The following STRBP variants were observed in gnomAD, a reference collection of about 807,000 sequenced individuals.
The protein encoded by STRBP is spermatid perinuclear RNA binding protein, also known as spermatid perinuclear RNA-binding protein.
In STRBP, 13 loss-of-function variants were observed where a neutral mutation model predicts 80.1. The observed-to-expected ratio is 0.16, with a 90% CI of 0.11 to 0.26. The LOEUF (loss-of-function observed/expected upper bound fraction) is 0.26, where lower values mean the gene tolerates loss of function less well. Ranked by LOEUF, STRBP falls within the 10% of genes least tolerant of loss-of-function variation. The probability of loss-of-function intolerance (pLI) is 1.00; values close to 1 mark genes in which losing one functional copy is unlikely to be tolerated. For synonymous variants in STRBP, 284 were observed against 291.2 expected (o/e 0.98, Z 0.25); for missense variants, 485 against 815.2 (o/e 0.59, Z 4.93).
chr9:123,217,829 C>T (rs770673974), intron 2 of STRBP, among the ~76,000 whole-genome samples: 1 of 152,244 alleles, frequency 6.6e-6, no homozygotes, highest in Non-Finnish European at 1.5e-5. Flanking sequence ...GGCTTCTCTG[C>T]CACATACGTT....
intron 6 of STRBP, among the ~76,000 whole-genome samples, chr9:123,169,086 A>T (rs1042933074): frequency 6.6e-6 from 1 of 152,192 alleles, no homozygotes; most frequent in African/African-American, 2.4e-5. Context: ...CCCTTACACT[A>T]TAAAACAAAT....
chr9:123,171,963 C>T (rs567929743), intron 5 of STRBP, among the ~76,000 whole-genome samples: 1 of 152,202 alleles, frequency 6.6e-6, no homozygotes, highest in South Asian at 2.1e-4. Flanking sequence ...AAATAAAGAC[C>T]CTCACTCAAG....
intron 4 of STRBP, among the ~76,000 whole-genome samples, chr9:123,174,071 C>G (rs2038118597): frequency 6.6e-6 from 1 of 152,192 alleles, no homozygotes; most frequent in Non-Finnish European, 1.5e-5. Context: ...TAATTCTTTA[C>G]TACATTTATA....
intron 2 of STRBP, among the ~76,000 whole-genome samples, chr9:123,203,992 C>CA (rs2039424950): frequency 3.8e-5 from 3 of 79,716 alleles, no homozygotes; most frequent in African/African-American, 2.8e-4. Context: ...AAAAACAAAA[C>CA]AAACAAACAA....
At chr9:123,263,415 C>G (rs1170118328) in intron 1 of STRBP, among the ~76,000 whole-genome samples, 1 of 150,442 alleles carries the variant, frequency 6.6e-6, no homozygotes, top group Non-Finnish European at 1.5e-5. Context: ...GTCCCAGCTA[C>G]TCGAGATGCT....
At chr9:123,144,197 CAAAAAAA>C (rs957671357) in intron 13 of STRBP, among the ~76,000 whole-genome samples, 4 of 69,072 alleles carry the variant, frequency 5.8e-5, no homozygotes, top group Admixed American at 5.2e-4. Context: ...GACTCCGTCT[CAAAAAAA>C]AAAAAAAAAA....
At position 123,125,406 on chromosome 9, in the gene STRBP, GTTTC is replaced by G. The variant is rs563454917; in HGVS notation, c.*187_*190del. 4.2e-3 allele frequency: 5,116 copies of G among 1,221,308 alleles called. 6 individuals carry two copies. The highest frequency in any genetic ancestry group is 4.7e-3 in the Non-Finnish European group (4,671 of 994,430). The allele number at this position is 1,221,308 out of a possible 1,614,324, so 75.7% of individuals were successfully genotyped here. A position where few individuals can be genotyped will look rare whatever the true frequency, so the allele number is the denominator to read the frequency against. ...ATGAGGTACCGTTTTCACAGAACTG[GTTTC>G]TTTTTTTTTTTTCAAGTTTTAGAGA... On this transcript the variant is annotated 3_prime_UTR_variant, in exon 19 of 19. Transcript: ENST00000348403.
rs552297682 is a variant in STRBP at position 123,136,658 on chromosome 9, C to T, written c.1498-143G>A. 2 of 923,544 alleles carry T rather than the reference C, an allele frequency of 2.2e-6. No individual in the cohort carries two copies. The highest frequency in any genetic ancestry group is 3.4e-4 in the Middle Eastern group (1 of 2,922). The allele number at this position is 923,544 out of a possible 1,614,324, so 57.2% of individuals were successfully genotyped here. A position where few individuals can be genotyped will look rare whatever the true frequency, so the allele number is the denominator to read the frequency against. On this transcript the variant is annotated intron_variant, in intron 14 of 18. Transcript: ENST00000348403. This position sits in a 1 kb window ranked among gnomAD's most constrained non-coding sequence, Gnocchi z 4.2. ...GGCTAGAATGAGTCACCTCTTTACA[C>T]AAATGGCAAAATATCATTAAAGCTG...
intron 1 of STRBP, among the ~76,000 whole-genome samples, chr9:123,239,191 C>T (rs1403412712): frequency 6.6e-6 from 1 of 152,046 alleles, no homozygotes; most frequent in South Asian, 2.1e-4. Flanking sequence ...CTGGCTAACA[C>T]GGTGAAACCC....
chr9:123,255,128 C>T (rs2041002585), intron 1 of STRBP, among the ~76,000 whole-genome samples: 1 of 152,202 alleles, frequency 6.6e-6, no homozygotes, highest in Non-Finnish European at 1.5e-5. Context: ...TCTGAAAATG[C>T]TATAAATCTA....
chr9:123,146,740 T>C (rs2036830860), intron 13 of STRBP, 115 bp downstream of exon 13: 1 of 907,348 alleles, frequency 1.1e-6, no homozygotes, highest in African/African-American at 1.7e-5. Context: ...AAAGTCTATA[T>C]ATAATATTAT....
At chr9:123,150,020 G>C (rs908006691) in intron 11 of STRBP, among the ~76,000 whole-genome samples, 1 of 152,204 alleles carries the variant, frequency 6.6e-6, no homozygotes, top group Non-Finnish European at 1.5e-5. Flanking sequence ...GTGCTCAGCA[G>C]AAAGGTATCA....
At chr9:123,231,027 C>A (rs1222518849) in intron 2 of STRBP, among the ~76,000 whole-genome samples, 2 of 152,098 alleles carry the variant, frequency 1.3e-5, no homozygotes, top group Non-Finnish European at 2.9e-5. Flanking sequence ...TTTCTGCAAC[C>A]CAGTGGTTCT....
chr9:123,263,524 CA>C (rs775297049), intron 1 of STRBP, among the ~76,000 whole-genome samples: 378 of 64,224 alleles, frequency 5.9e-3, no homozygotes, highest in Middle Eastern at 8.8e-3. Flanking sequence ...GACCCTGTCT[CA>C]AAAAAAAAAA....
intron 2 of STRBP, among the ~76,000 whole-genome samples, chr9:123,225,357 G>A (rs1343624941): frequency 6.6e-6 from 1 of 152,188 alleles, no homozygotes; most frequent in African/African-American, 2.4e-5. Context: ...AAACAGAAAA[G>A]TAAACTAGCA....
rs772667473 is a variant in STRBP at position 123,123,059 on chromosome 9, A to C, written c.*2538T>G. On this transcript the variant is annotated 3_prime_UTR_variant, in exon 19 of 19. Coordinates refer to ENST00000348403, the MANE Select transcript of STRBP (RefSeq NM_018387.5). ...GAAAGCTGGATAGCCTCAGGGTGTC[A>C]CATTGCTCTTAAGACCAAGACATAG... is the stretch of plus-strand genomic sequence containing the variant. 8.1e-6 allele frequency: 8 copies of C among 985,338 alleles called. No individual in the cohort carries two copies. Among genetic ancestry groups the C allele is most frequent in the Non-Finnish European group, 8.4e-6 (7 of 829,944 alleles). The allele number at this position is 985,338 out of a possible 1,614,324, so 61.0% of individuals were successfully genotyped here.
intron 6 of STRBP, among the ~76,000 whole-genome samples, chr9:123,162,829 G>A (rs1419886971): frequency 6.6e-6 from 1 of 152,146 alleles, no homozygotes; most frequent in Non-Finnish European, 1.5e-5. Flanking sequence ...CATTTCATAG[G>A]TGATATAGCT....
In STRBP at chr9:123,123,952, T is replaced by A. The variant is rs2035808334; in HGVS notation, c.*1645A>T. On this transcript the variant is annotated 3_prime_UTR_variant, in exon 19 of 19. Coordinates refer to ENST00000348403, the MANE Select transcript of STRBP (RefSeq NM_018387.5). ...CCACTAATGCACAGGATGAGAATGATAAGTTACAGCTATTTCCAGCAAGTG... is the reference window on the plus strand; with the variant it reads ...CCACTAATGCACAGGATGAGAATGAAAAGTTACAGCTATTTCCAGCAAGTG... 1.0e-6 allele frequency: 1 copy of A among 985,298 alleles called. No homozygotes were observed. The highest frequency in any genetic ancestry group is 1.2e-6 in the Non-Finnish European group (1 of 829,944). 61.0% of individuals were successfully genotyped at this position (985,298 alleles called of 1,614,324 possible). A position where few individuals can be genotyped will look rare whatever the true frequency, so the allele number is the denominator to read the frequency against.
chr9:123,115,427 C>G lies in STRBP; in HGVS notation c.*84+502G>C. The G allele has an allele frequency of 2.1e-6, 1 of 470,502 alleles. No homozygotes were observed. The highest frequency in any genetic ancestry group is 1.5e-5 in the South Asian group (1 of 64,536). 29.1% of individuals were successfully genotyped at this position (470,502 alleles called of 1,614,324 possible). A position where few individuals can be genotyped will look rare whatever the true frequency, so the allele number is the denominator to read the frequency against. On this transcript the variant is annotated intron_variant and NMD_transcript_variant, in intron 3 of 3. Transcript: ENST00000471564. The surrounding 1 kb of genome is among the most constrained non-coding windows in gnomAD (Gnocchi z 5.0). Reference sequence around the variant, plus strand: ...CAGGGAGGGGGAGACCCACTGAAGCCTTTCTCCCTGCACAGAGGAGGACTC... The same window carrying G: ...CAGGGAGGGGGAGACCCACTGAAGCGTTTCTCCCTGCACAGAGGAGGACTC...
Sources: gnomAD v4.1 joint callset for allele counts (sites outside exome capture counted in the v4.1 genomes callset) on GRCh38, gnomAD v4.1.1 for gene constraint, Gnocchi (gnomAD v3.1) non-coding constraint, MANE v1.5 for transcripts, NCBI Gene and HGNC (gene_info 2026-07-23, HGNC 2026-07-21) for gene names.